The following EFNA5 variants were observed in gnomAD, a reference collection of about 807,000 sequenced individuals.
The protein encoded by EFNA5 is ephrin-A5.
Under a neutral mutation model 22.9 loss-of-function variants are expected in EFNA5, and 5 were observed. The ratio of observed to expected loss-of-function variants is 0.22; its 90% CI spans 0.11 to 0.46. EFNA5 has a LOEUF of 0.46. Among genes scored for constraint, EFNA5 ranks in the 20% least tolerant of loss-of-function variants. The pLI is 0.99. For synonymous variants in EFNA5, 113 were observed against 112.2 expected (o/e 1.01, Z -0.04); for missense variants, 237 against 293.3 (o/e 0.81, Z 1.40).
chr5:107,625,176 T>C (rs1038338024), intron 1 of EFNA5, among the ~76,000 whole-genome samples: 3 of 152,152 alleles, frequency 2.0e-5, no homozygotes, highest in African/African-American at 4.8e-5. Flanking sequence ...AGAAGGAAAC[T>C]TTTTAAAATT....
At chr5:107,441,836 G>C (rs556032690) in intron 1 of EFNA5, among the ~76,000 whole-genome samples, 16 of 152,206 alleles carry the variant, frequency 1.1e-4, no homozygotes, top group African/African-American at 3.9e-4. Flanking sequence ...TTAAAAATTT[G>C]TATCACATGT....
intron 1 of EFNA5, among the ~76,000 whole-genome samples, chr5:107,564,192 A>G (rs190264688): frequency 3.3e-4 from 50 of 152,332 alleles, no homozygotes; most frequent in African/African-American, 1.2e-3. Flanking sequence ...TATTTACCCA[A>G]GTGTCCAGCA....
chr5:107,552,586 G>A (rs1011146218), intron 1 of EFNA5, among the ~76,000 whole-genome samples: 3 of 152,164 alleles, frequency 2.0e-5, no homozygotes, highest in African/African-American at 7.2e-5. Flanking sequence ...CTTAGAGCAG[G>A]GCACTGTGAA....
intron 1 of EFNA5, among the ~76,000 whole-genome samples, chr5:107,606,688 A>G (rs1749732619): frequency 6.6e-6 from 1 of 152,172 alleles, no homozygotes; most frequent in African/African-American, 2.4e-5. Flanking sequence ...CCTCTTCCAT[A>G]AAATCAAGAT....
chr5:107,582,868 A>T (rs1432704847), intron 1 of EFNA5, among the ~76,000 whole-genome samples: 2 of 152,280 alleles, frequency 1.3e-5, no homozygotes, highest in Non-Finnish European at 2.9e-5. Context: ...ACAACAGATG[A>T]ATAGATAGAA....
chr5:107,532,533 A>G (rs142886927), intron 1 of EFNA5, among the ~76,000 whole-genome samples: 36 of 152,344 alleles, frequency 2.4e-4, no homozygotes, highest in Middle Eastern at 6.8e-3. Flanking sequence ...AATAGACTTT[A>G]TCCGGCCTCC....
rs143072973 is a variant in EFNA5 at position 107,413,815 on chromosome 5, G to A, written c.418+13402C>T. ...GTAAAGCAATGAGACAATTTACTTG[G>A]TCAGGCAGAAGGAAGGATTTATTAT... On this transcript the variant is annotated intron_variant, in intron 2 of 4. Coordinates refer to ENST00000333274, the MANE Select transcript of EFNA5 (RefSeq NM_001962.3). 8.5e-5 allele frequency among the ~76,000 whole-genome samples: 13 copies of A among 152,242 alleles called. No homozygotes were observed. In the East Asian group the frequency reaches 2.5e-3, roughly 29 times the overall value.
intron 1 of EFNA5, among the ~76,000 whole-genome samples, chr5:107,614,391 T>C (rs1749874407): frequency 6.6e-6 from 1 of 152,200 alleles, no homozygotes; most frequent in Non-Finnish European, 1.5e-5. Context: ...GAATGTCAAA[T>C]CATATACAAA....
Position 107,635,964 on chromosome 5 carries a change from A to G in EFNA5, c.125+34525T>C, listed in dbSNP as rs570707945. 5.3e-5 allele frequency among the ~76,000 whole-genome samples: 8 copies of G among 152,320 alleles called. No individual in the cohort carries two copies. In the East Asian group the frequency reaches 1.5e-3, roughly 29 times the overall value. ...GGTTGAAAATATTATTAAAGCATCA[A>G]TGCTTAAAATATTTTCTCCTTTCTT... On this transcript the variant is annotated intron_variant, in intron 1 of 4. Coordinates refer to ENST00000333274, the MANE Select transcript of EFNA5 (RefSeq NM_001962.3).
intron 2 of EFNA5, among the ~76,000 whole-genome samples, chr5:107,415,913 A>G (rs558410198): frequency 6.6e-6 from 1 of 152,356 alleles, no homozygotes; most frequent in East Asian, 1.9e-4. Context: ...AACAAGCTGC[A>G]ATGTTGAGAC....
intron 2 of EFNA5, among the ~76,000 whole-genome samples, chr5:107,400,212 C>A (rs1211975695): frequency 6.6e-6 from 1 of 151,748 alleles, no homozygotes; most frequent in Non-Finnish European, 1.5e-5. Flanking sequence ...CATTTGCTAG[C>A]CTTATATATA....
chr5:107,570,793 G>GT (rs770276957), intron 1 of EFNA5, among the ~76,000 whole-genome samples: 2 of 152,204 alleles, frequency 1.3e-5, no homozygotes, highest in Non-Finnish European at 2.9e-5. Flanking sequence ...TGTGAGCAAA[G>GT]TAAGAACCAA....
intron 1 of EFNA5, among the ~76,000 whole-genome samples, chr5:107,445,861 G>A (rs1749377528): frequency 6.6e-6 from 1 of 152,204 alleles, no homozygotes; most frequent in Admixed American, 6.5e-5. Flanking sequence ...TTAATGTCTG[G>A]TAGTTATCGA....
chr5:107,650,749 A>G (rs1460282436), intron 1 of EFNA5, among the ~76,000 whole-genome samples: 1 of 152,182 alleles, frequency 6.6e-6, no homozygotes, highest in Non-Finnish European at 1.5e-5. Context: ...ATTTCTTCTG[A>G]ACGTCTTCAA....
rs115707774 is a variant in EFNA5, at chr5:107,527,675, A to G, written c.126-100166T>C. On this transcript the variant is annotated intron_variant, in intron 1 of 4. Coordinates refer to ENST00000333274, the MANE Select transcript of EFNA5 (RefSeq NM_001962.3). The stretch of plus-strand genomic sequence containing the variant: ...ATCTCAACAATCCTAAAATCATTCT[A>G]TTGTTAAAATTAATTTTCCTTTTCA... 3.7e-3 allele frequency among the ~76,000 whole-genome samples: 570 copies of G among 152,290 alleles called. 2 individuals carry two copies. Among genetic ancestry groups the G allele is most frequent in the African/African-American group, 0.013 (535 of 41,558 alleles).
chr5:107,437,642 C>A (rs1749151214), intron 1 of EFNA5, among the ~76,000 whole-genome samples: 1 of 151,986 alleles, frequency 6.6e-6, no homozygotes, highest in Admixed American at 6.5e-5. Flanking sequence ...TCTCTGTATC[C>A]CCAACACTTA....
chr5:107,536,504 T>G (rs561999424), intron 1 of EFNA5, among the ~76,000 whole-genome samples: 12 of 152,324 alleles, frequency 7.9e-5, no homozygotes, highest in African/African-American at 2.9e-4. Flanking sequence ...ATTAGAATTA[T>G]TCTATACTTT....
intron 1 of EFNA5, among the ~76,000 whole-genome samples, chr5:107,641,278 A>G (rs757367791): frequency 5.9e-5 from 9 of 151,912 alleles, no homozygotes; most frequent in Non-Finnish European, 1.0e-4. Flanking sequence ...GAATCACTTG[A>G]ACCCAGGAGG....
intron 1 of EFNA5, among the ~76,000 whole-genome samples, chr5:107,538,557 G>A (rs1355263186): frequency 6.6e-6 from 1 of 152,166 alleles, no homozygotes; most frequent in Non-Finnish European, 1.5e-5. Flanking sequence ...TACTGACATG[G>A]TAGTCTTGGC....
Sources: gnomAD v4.1 joint callset for allele counts (sites outside exome capture counted in the v4.1 genomes callset) on GRCh38, gnomAD v4.1.1 for gene constraint, MANE v1.5 for transcripts, NCBI Gene and HGNC (gene_info 2026-07-23, HGNC 2026-07-21) for gene names.